The following ZFYVE9 variants were observed in gnomAD, a reference collection of about 807,000 sequenced individuals.
ZFYVE9 encodes zinc finger FYVE domain-containing protein 9.
Under a neutral mutation model 126.7 loss-of-function variants are expected in ZFYVE9, and 43 were observed. The ratio of observed to expected loss-of-function variants is 0.34; its 90% CI spans 0.27 to 0.44. The LOEUF (loss-of-function observed/expected upper bound fraction) is 0.44, where lower values mean the gene tolerates loss of function less well. Among genes scored for constraint, ZFYVE9 ranks in the 20% least tolerant of loss-of-function variants. The pLI is 1.00. For missense variants in ZFYVE9, 1,476 were observed against 1,697.0 expected, an observed-to-expected ratio of 0.87 and a Z score of 2.29; for synonymous variants, 521 against 597.4, an observed-to-expected ratio of 0.87 and a Z score of 1.87.
intron 14 of ZFYVE9, 132 bp from the exon 15 acceptor site, chr1:52,334,556 A>C: frequency 1.2e-6 from 1 of 805,644 alleles, no homozygotes; most frequent in Non-Finnish European, 2.0e-6. Flanking sequence ...TTATTGTGGA[A>C]TATAGATTTG....
rs547281877 is a variant in ZFYVE9 at position 52,297,674 on chromosome 1, A to G, written c.3333+1697A>G. ...TGATTTCCTCCCTCTGTGATGCTTA[A>G]AAGCTATATTTCCAGTTATCTTTTT... On this transcript the variant is annotated intron_variant, in intron 12 of 18. Transcript: ENST00000287727. Among the ~76,000 whole-genome samples the G allele has an allele frequency of 3.3e-5, 5 of 152,094 alleles. No homozygotes were observed. In the East Asian group the frequency reaches 9.6e-4, roughly 29 times the overall value.
intron 9 of ZFYVE9, 107 bp downstream of exon 9, chr1:52,278,721 TTTTTTTTTTC>T (rs1237861807): frequency 7.2e-6 from 6 of 828,920 alleles, no homozygotes; most frequent in African/African-American, 3.6e-5. Flanking sequence ...AGCCACATCT[TTTTTTTTTTC>T]TTTTTTTTTT....
intron 7 of ZFYVE9, among the ~76,000 whole-genome samples, chr1:52,271,127 TTCTTTCC>T (rs1645688098): frequency 6.6e-6 from 1 of 152,244 alleles, no homozygotes; most frequent in Non-Finnish European, 1.5e-5. Flanking sequence ...TCTGTTAAAT[TTCTTTCC>T]TATCTCTTAG....
At chr1:52,297,249 T>C (rs1645986047) in intron 12 of ZFYVE9, among the ~76,000 whole-genome samples, 1 of 151,550 alleles carries the variant, frequency 6.6e-6, no homozygotes, top group Admixed American at 6.6e-5. Flanking sequence ...TTTCTTTTTT[T>C]TTTTTTTTTT....
At chr1:52,328,383 C>T (rs895108183) in intron 13 of ZFYVE9, among the ~76,000 whole-genome samples, 1 of 152,150 alleles carries the variant, frequency 6.6e-6, no homozygotes, top group Non-Finnish European at 1.5e-5. Flanking sequence ...ATATTTATAT[C>T]ATTATATGAC....
In ZFYVE9 at chr1:52,268,459, C is replaced by T; in HGVS notation, c.2456-4C>T. 6.2e-7 allele frequency: 1 copy of T among 1,609,596 alleles called. No homozygotes were observed. Among genetic ancestry groups the T allele is most frequent in the Non-Finnish European group, 8.5e-7 (1 of 1,176,774 alleles). ...TGCCTGTTTTATTTTTCTGGCCCCT[C>T]AAGTGGCTCAGCCCAGAGAGCAGAG... On this transcript the variant is annotated splice_region_variant and splice_polypyrimidine_tract_variant and intron_variant, in intron 6 of 18. Coordinates refer to ENST00000287727, the MANE Select transcript of ZFYVE9 (RefSeq NM_004799.4).
chr1:52,219,464 T>TAGGAGTATTAGATA, intron 2 of ZFYVE9, among the ~76,000 whole-genome samples: 1 of 151,844 alleles, frequency 6.6e-6, no homozygotes, highest in South Asian at 2.1e-4. Context: ...TCTCAGTGGT[T>TAGGAGTATTAGATA]AGGAGTATTA....
chr1:52,143,412 T>C (rs1279772312), intron 1 of ZFYVE9, among the ~76,000 whole-genome samples: 1 of 152,230 alleles, frequency 6.6e-6, no homozygotes, highest in Non-Finnish European at 1.5e-5. Flanking sequence ...TATTCTTGTT[T>C]TCCTGTTATG....
chr1:52,324,465 C>T (rs780625036), intron 13 of ZFYVE9, among the ~76,000 whole-genome samples: 28 of 152,198 alleles, frequency 1.8e-4, no homozygotes, highest in Non-Finnish European at 1.0e-4. Context: ...TTCCATCGTT[C>T]TTCAGCTCAG....
chr1:52,203,217 T>C (rs1278342442), intron 1 of ZFYVE9, among the ~76,000 whole-genome samples: 2 of 152,032 alleles, frequency 1.3e-5, no homozygotes, highest in Non-Finnish European at 2.9e-5. Context: ...TGTCTCACTC[T>C]TTTGCCCAGA....
intron 1 of ZFYVE9, among the ~76,000 whole-genome samples, chr1:52,145,131 A>G (rs1308365475): frequency 6.6e-6 from 1 of 152,224 alleles, no homozygotes. Flanking sequence ...CTTGCCGTTT[A>G]AGGACATTGA....
intron 9 of ZFYVE9, among the ~76,000 whole-genome samples, chr1:52,278,920 T>C (rs555118546): frequency 1.3e-5 from 2 of 151,766 alleles, no homozygotes; most frequent in Non-Finnish European, 2.9e-5. Context: ...GTTTTTTTTT[T>C]AGTAGAGACA....
At chr1:52,143,029 C>T (rs1488510510) in intron 1 of ZFYVE9, among the ~76,000 whole-genome samples, 1 of 152,196 alleles carries the variant, frequency 6.6e-6, no homozygotes, top group Non-Finnish European at 1.5e-5. Flanking sequence ...TATCTTGCCT[C>T]TAAGCGTGGT....
In ZFYVE9 at chr1:52,263,753, TCCCCCC is replaced by T; in HGVS notation, c.2179-10_2179-5del. 4 of 713,078 alleles carry T rather than the reference TCCCCCC, an allele frequency of 5.6e-6. No individual in the cohort carries two copies. Among genetic ancestry groups the T allele is most frequent in the Non-Finnish European group, 8.2e-6 (4 of 490,702 alleles). 44.2% of individuals were successfully genotyped at this position (713,078 alleles called of 1,614,324 possible). ...ATCCCAAGTAAATTTTGTGTGTTCT[TCCCCCC>T]CCCCCCCCCACAGGTTTTCTGTGCT... On this transcript the variant is annotated splice_polypyrimidine_tract_variant and intron_variant, in intron 4 of 18. Coordinates refer to ENST00000287727, the MANE Select transcript of ZFYVE9 (RefSeq NM_004799.4).
At chr1:52,244,242 G>C (rs1645362200) in intron 4 of ZFYVE9, among the ~76,000 whole-genome samples, 1 of 152,226 alleles carries the variant, frequency 6.6e-6, no homozygotes, top group Non-Finnish European at 1.5e-5. Flanking sequence ...TTATTAGATG[G>C]AGATGGTGGT....
Position 52,175,895 on chromosome 1 carries a change from G to A in ZFYVE9, c.-143+33492G>A, listed in dbSNP as rs554400144. ...TATTGGTTATTCTAGTTATACATTT[G>A]TCTAAGTTTTTTTCAAAGTTTTCAA... On this transcript the variant is annotated intron_variant, in intron 1 of 18. Transcript: ENST00000287727. Among the ~76,000 whole-genome samples, 13 of 152,176 alleles carry A rather than the reference G, an allele frequency of 8.5e-5. No homozygotes were observed. The South Asian group carries it at 1.7e-3, about 19-fold the overall frequency.
Position 52,345,968 on chromosome 1 carries a change from A to G in ZFYVE9, c.4117-92A>G, listed in dbSNP as rs1346573894. On this transcript the variant is annotated intron_variant, in intron 18 of 18. Transcript: ENST00000287727. ...TATGTTTAGCCTATGGCCAAAAAGG[A>G]CATCTCCTTTCCTGCTCAGCCTCCT... 3.0e-6 allele frequency: 4 copies of G among 1,340,746 alleles called. No individual in the cohort carries two copies. In the East Asian group the frequency reaches 9.6e-5, roughly 32 times the overall value. 83.1% of individuals were successfully genotyped at this position (1,340,746 alleles called of 1,614,324 possible).
chr1:52,221,916 A>G (rs942592003), intron 2 of ZFYVE9, among the ~76,000 whole-genome samples: 2 of 152,178 alleles, frequency 1.3e-5, no homozygotes, highest in Admixed American at 1.3e-4. Context: ...TTTAAGGCAT[A>G]AGAGTTAATC....
At chr1:52,222,660 G>T (rs1645134613) in intron 2 of ZFYVE9, among the ~76,000 whole-genome samples, 1 of 152,136 alleles carries the variant, frequency 6.6e-6, no homozygotes, top group Non-Finnish European at 1.5e-5. Context: ...GCTTCCAAGG[G>T]AATAGGGTAT....
Sources: gnomAD v4.1 joint callset for allele counts (sites outside exome capture counted in the v4.1 genomes callset) on GRCh38, gnomAD v4.1.1 for gene constraint, MANE v1.5 for transcripts, NCBI Gene and HGNC (gene_info 2026-07-23, HGNC 2026-07-21) for gene names.